C4orf51: variants seen among roughly 807,000 people sequenced by gnomAD.
The protein encoded by C4orf51 is uncharacterized protein C4orf51.
In C4orf51, 25 loss-of-function variants were observed where a neutral mutation model predicts 25.2. The observed-to-expected ratio is 0.99, with a 90% CI of 0.72 to 1.39. The LOEUF is 1.39. Among genes scored for constraint, C4orf51 ranks in the 40% most tolerant of loss-of-function variants. The pLI is 0.00. For synonymous variants in C4orf51, 100 were observed against 84.5 expected (o/e 1.18, Z -1.01); for missense variants, 252 against 239.6 (o/e 1.05, Z -0.34).
rs751957056 is a variant in C4orf51, at chr4:145,765,567, C to T, written n.167-5421C>T. 28 of 1,613,272 alleles carry T rather than the reference C, an allele frequency of 1.7e-5. No individual in the cohort carries two copies. The highest frequency in any genetic ancestry group is 2.3e-5 in the Non-Finnish European group (27 of 1,179,692). On this transcript the variant is annotated intron_variant and non_coding_transcript_variant, in intron 1 of 1. Coordinates refer to the C4orf51 transcript ENST00000510096. This position sits in a 1 kb window ranked among gnomAD's most constrained non-coding sequence, Gnocchi z 4.7. ...CTTACCTTTCTCTGGCTTTTCCTCA[C>T]TGTTCAGTGAGGGCTGGCTCCCAGG... is the stretch of plus-strand genomic sequence containing the variant.
At position 145,729,195 on chromosome 4, in the gene C4orf51, T is replaced by A. The variant is rs1732281869; in HGVS notation, c.393T>A (p.Asp131Glu). Residue 131 changes from aspartate to glutamate, a missense_variant, in exon 4 of 6, where the codon GAT (aspartate) becomes GAA (glutamate). Asp to Glu is a conservative substitution (Grantham distance 45). Coordinates refer to ENST00000438731, the MANE Select transcript of C4orf51 (RefSeq NM_001080531.3). ...CACATCAAATTTGGGATTTTGGTGA[T>A]TGTTTTCCGACACCTCCAAATTATG... ...GVAHQIWDFG[D>E]CFPTPPNYGK... is the part of the protein sequence containing the mutation. 6.2e-7 allele frequency: 1 copy of A among 1,609,432 alleles called. No homozygotes were observed. Among genetic ancestry groups the A allele is most frequent in the African/African-American group, 1.3e-5 (1 of 74,836 alleles).
chr4:145,758,877 TG>T (rs1402776097), downstream of C4orf51: 1 of 152,260 alleles, frequency 6.6e-6, no homozygotes, highest in Non-Finnish European at 1.5e-5. Context: ...CTACTAGGTG[TG>T]GGGAAGAGGG....
rs183231217 is a variant in C4orf51 at position 145,762,973 on chromosome 4, G to A, written n.167-8015G>A. On this transcript the variant is annotated intron_variant and non_coding_transcript_variant, in intron 1 of 1. Transcript: ENST00000510096. This position sits in a 1 kb window ranked among gnomAD's most constrained non-coding sequence, Gnocchi z 4.9. ...GTGCACCGTGCACGGCCTCCTCAGC[G>A]CCAAGCTCGCCGTTAGCCTTTGAAC... The A allele has an allele frequency of 1.2e-5, 12 of 1,018,698 alleles. No individual in the cohort carries two copies. In the South Asian group the frequency reaches 1.3e-4, roughly 11 times the overall value. The allele number at this position is 1,018,698 out of a possible 1,614,324, so 63.1% of individuals were successfully genotyped here. A position where few individuals can be genotyped will look rare whatever the true frequency, so the allele number is the denominator to read the frequency against.
At chr4:145,693,231 A>T (rs1729730830) in intron 1 of C4orf51, among the ~76,000 whole-genome samples, 1 of 148,732 alleles carries the variant, frequency 6.7e-6, no homozygotes, top group South Asian at 2.2e-4. Flanking sequence ...ATTGGTGATG[A>T]CTCTTAACGA....
intron 3 of C4orf51, 126 bp downstream of exon 3, chr4:145,727,095 T>G: frequency 3.0e-6 from 2 of 660,712 alleles, no homozygotes; most frequent in South Asian, 2.3e-5. Context: ...CAAACGTTTA[T>G]TCCTGAGTGC....
chr4:145,710,857 T>C (rs1731094285), intron 2 of C4orf51, among the ~76,000 whole-genome samples: 1 of 152,114 alleles, frequency 6.6e-6, no homozygotes. Flanking sequence ...AGCTACCTAC[T>C]GTGACAGTTT....
chr4:145,698,829 G>T (rs2126697019), intron 2 of C4orf51, among the ~76,000 whole-genome samples: 1 of 152,242 alleles, frequency 6.6e-6, no homozygotes, highest in Middle Eastern at 3.4e-3. Context: ...TCCTTGTCAG[G>T]CCTCTGAGCC....
chr4:145,706,919 C>T (rs1730844723), intron 2 of C4orf51, among the ~76,000 whole-genome samples: 1 of 150,802 alleles, frequency 6.6e-6, no homozygotes, highest in Admixed American at 6.7e-5. Context: ...TCAAGCGATT[C>T]TCCTGCCTCA....
At chr4:145,690,951 C>G (rs182406800) in intron 1 of C4orf51, among the ~76,000 whole-genome samples, 2 of 151,278 alleles carry the variant, frequency 1.3e-5, no homozygotes, top group South Asian at 2.1e-4. Flanking sequence ...TCCCACCCCC[C>G]ACAAAAAAAG....
intron 1 of C4orf51, among the ~76,000 whole-genome samples, chr4:145,739,578 T>G (rs1029872569): frequency 6.6e-6 from 1 of 152,262 alleles, no homozygotes; most frequent in African/African-American, 2.4e-5. Flanking sequence ...GCTTTTATTT[T>G]ATCATGTGCA....
downstream of C4orf51, among the ~76,000 whole-genome samples, chr4:145,734,126 G>T (rs1732667105): frequency 6.6e-6 from 1 of 152,172 alleles, no homozygotes; most frequent in Non-Finnish European, 1.5e-5. Flanking sequence ...CAGCAACATT[G>T]GTATGGTGGG....
At chr4:145,707,529 G>T (rs1207671985) in intron 2 of C4orf51, among the ~76,000 whole-genome samples, 1 of 152,154 alleles carries the variant, frequency 6.6e-6, no homozygotes, top group Admixed American at 6.5e-5. Context: ...TGAAGTTATT[G>T]GTTAAAGATT....
At chr4:145,785,388 G>A in the C4orf51 span, among the ~76,000 whole-genome samples, 15 of 152,164 alleles carry the variant, frequency 9.9e-5, no homozygotes, top group East Asian at 1.9e-4. Context: ...AAACCCATTC[G>A]GTAGAATTTA....
chr4:145,712,087 A>G (rs1731164211), intron 2 of C4orf51, among the ~76,000 whole-genome samples: 1 of 152,186 alleles, frequency 6.6e-6, no homozygotes, highest in Non-Finnish European at 1.5e-5. Flanking sequence ...AGCAAACTTA[A>G]TTGATAAACT....
chr4:145,791,503 G>A, the C4orf51 span, among the ~76,000 whole-genome samples: 1 of 152,150 alleles, frequency 6.6e-6, no homozygotes, highest in African/African-American at 2.4e-5. Flanking sequence ...GTGAACGTAT[G>A]TCATAATGAT....
chr4:145,765,228 G>A lies in C4orf51; in HGVS notation n.167-5760G>A. The A allele has an allele frequency of 2.7e-6, 4 of 1,492,306 alleles. No individual in the cohort carries two copies. The highest frequency in any genetic ancestry group is 3.6e-6 in the Non-Finnish European group (4 of 1,113,792). 92.4% of individuals were successfully genotyped at this position (1,492,306 alleles called of 1,614,324 possible). On this transcript the variant is annotated intron_variant and non_coding_transcript_variant, in intron 1 of 1. Transcript: ENST00000510096. The surrounding 1 kb of genome is among the most constrained non-coding windows in gnomAD (Gnocchi z 4.7). Reference sequence around the variant, plus strand: ...CAGCGGGGAGAGGAGGGCAGGAGTGGAGCCAAGCTCCTCCCCACTTCCTCC... The same window carrying A: ...CAGCGGGGAGAGGAGGGCAGGAGTGAAGCCAAGCTCCTCCCCACTTCCTCC...
At chr4:145,711,266 TA>T (rs769186051) in intron 2 of C4orf51, among the ~76,000 whole-genome samples, 3 of 152,218 alleles carry the variant, frequency 2.0e-5, no homozygotes, top group Non-Finnish European at 4.4e-5. Flanking sequence ...AGTGTTCTAA[TA>T]AAACTACTTT....
downstream of C4orf51, among the ~76,000 whole-genome samples, chr4:145,734,279 C>CT (rs1732675326): frequency 6.6e-6 from 1 of 152,154 alleles, no homozygotes; most frequent in South Asian, 2.1e-4. Context: ...TTCATAGACT[C>CT]TGAGTGTTGT....
At chr4:145,776,893 C>T in the C4orf51 span, among the ~76,000 whole-genome samples, 2 of 152,140 alleles carry the variant, frequency 1.3e-5, no homozygotes, top group African/African-American at 4.8e-5. Flanking sequence ...GTTTCAGGAT[C>T]GTTTCCAGAG....
Sources: allele counts gnomAD v4.1 joint callset (sites outside exome capture counted in the v4.1 genomes callset), GRCh38; gene constraint gnomAD v4.1.1; non-coding constraint Gnocchi (gnomAD v3.1); transcripts MANE v1.5; gene names NCBI Gene and HGNC (gene_info 2026-07-23, HGNC 2026-07-21).